ECT2L: variants seen among roughly 807,000 people sequenced by gnomAD.
ECT2L encodes the protein epithelial cell transforming 2 like.
A neutral mutation model predicts 122.8 loss-of-function variants in ECT2L; 126 were observed. The ratio of observed to expected loss-of-function variants is 1.03; its 90% CI spans 0.89 to 1.19. ECT2L has a LOEUF of 1.19. ECT2L is among the 50% of genes most tolerant of loss of function. The pLI, the probability that ECT2L is intolerant of heterozygous loss-of-function variation, is 0.00. For synonymous variants in ECT2L, 385 were observed against 381.8 expected (o/e 1.01, Z -0.10); for missense variants, 1,012 against 1,064.1 (o/e 0.95, Z 0.68).
At position 138,814,525 on chromosome 6, in the gene ECT2L, G is replaced by T; in HGVS notation, c.101G>T (p.Trp34Leu). The change falls in exon 4 of 22, where the codon TGG becomes TTG. Residue 34 changes from tryptophan (W) to leucine (L), a missense_variant. By Grantham distance (61) the Trp-to-Leu change is moderately conservative. Transcript: ENST00000541398. Reference sequence around the variant, plus strand: ...GAAAGAGTGGCTCTTATAAGTCATTGGTTTGACCTCTGGACTAACAAGCAA... The same window carrying T: ...GAAAGAGTGGCTCTTATAAGTCATTTGTTTGACCTCTGGACTAACAAGCAA... ...FQERVALISH[W>L]FDLWTNKQRQ... 1 of 1,611,596 alleles carries T rather than the reference G, an allele frequency of 6.2e-7. No individual in the cohort carries two copies. Among genetic ancestry groups the T allele is most frequent in the Non-Finnish European group, 8.5e-7 (1 of 1,178,464 alleles).
At chr6:138,824,653 A>C (rs1425778436) in intron 4 of ECT2L, among the ~76,000 whole-genome samples, 1 of 151,930 alleles carries the variant, frequency 6.6e-6, no homozygotes, top group African/African-American at 2.4e-5. Flanking sequence ...GGTTTCAGCA[A>C]AGGTTATGAG....
At chr6:138,890,708 A>T (rs985742612) in intron 20 of ECT2L, among the ~76,000 whole-genome samples, 2 of 151,986 alleles carry the variant, frequency 1.3e-5, no homozygotes, top group African/African-American at 4.8e-5. Flanking sequence ...GATTTTCTAT[A>T]TCATTTTTCT....
chr6:138,899,915 C>T (rs1182836293), intron 20 of ECT2L, among the ~76,000 whole-genome samples: 1 of 152,168 alleles, frequency 6.6e-6, no homozygotes, highest in Non-Finnish European at 1.5e-5. Context: ...GGACAAATAA[C>T]CCACACTAGA....
chr6:138,886,862 G>A lies in ECT2L; in HGVS notation c.2265G>A (p.Lys755=), dbSNP rs755404937. 32 of 1,612,944 alleles carry A rather than the reference G, an allele frequency of 2.0e-5. No individual in the cohort carries two copies. Among genetic ancestry groups the A allele is most frequent in the Non-Finnish European group, 2.6e-5 (31 of 1,179,548 alleles). Reference sequence around the variant, plus strand: ...AAGTACTTTTTTTCCCCTAGATGAAGCAAAACATCACTATGAAGGATCATC... The same window carrying A: ...AAGTACTTTTTTTCCCCTAGATGAAACAAAACATCACTATGAAGGATCATC... ...KKYKGYIDQM[K]QNITMKDHLS... The change falls in exon 19 of 22, where the codon AAG becomes AAA. Residue 755 remains lysine, a synonymous_variant. Coordinates refer to ENST00000541398, the MANE Select transcript of ECT2L (RefSeq NM_001077706.3).
Position 138,854,056 on chromosome 6 carries a change from G to A in ECT2L, c.1100G>A (p.Arg367Lys). 1 of 1,614,050 alleles carries A rather than the reference G, an allele frequency of 6.2e-7. No individual in the cohort carries two copies. The highest frequency in any genetic ancestry group is 8.5e-7 in the Non-Finnish European group (1 of 1,179,994). The change falls in exon 10 of 22, where the codon AGG becomes AAG. Residue 367 changes from arginine (R) to lysine (K), a missense_variant. Arg to Lys is a conservative substitution (Grantham distance 26). Coordinates refer to ENST00000541398, the MANE Select transcript of ECT2L (RefSeq NM_001077706.3). ...AAAATTGGTGTTAAAAATTTACTGAGGCCTGAAGTGAGAGATTTCTGGGAG... is the reference window on the plus strand; with the variant it reads ...AAAATTGGTGTTAAAAATTTACTGAAGCCTGAAGTGAGAGATTTCTGGGAG... ...GYKIGVKNLL[R>K]PEVRDFWEKL...
intron 21 of ECT2L, 83 bp from the exon 22 acceptor site, chr6:138,902,417 G>T (rs1779432408): frequency 3.0e-6 from 4 of 1,323,878 alleles, no homozygotes; most frequent in South Asian, 2.7e-5. Context: ...TCTTAAAGAT[G>T]ATGATTTTTG....
rs146609864 is a variant in ECT2L, at chr6:138,900,537, G to A, written c.2415-411G>A. On this transcript the variant is annotated intron_variant, in intron 20 of 21. Coordinates refer to ENST00000541398, the MANE Select transcript of ECT2L (RefSeq NM_001077706.3). ...TAGGATTACAGGCGTGAGCCACCGC[G>A]CCCAGCCTTGTTATCCTTAAAGGTG... Among the ~76,000 whole-genome samples the A allele has an allele frequency of 4.4e-3, 663 of 152,226 alleles. 4 individuals are homozygous for A. The highest frequency in any genetic ancestry group is 0.015 in the African/African-American group (640 of 41,532).
chr6:138,873,364 T>C (rs932807605), intron 13 of ECT2L, among the ~76,000 whole-genome samples: 1 of 152,174 alleles, frequency 6.6e-6, no homozygotes, highest in African/African-American at 2.4e-5. Flanking sequence ...CAGCTAAACG[T>C]CAGTGTTGCA....
chr6:138,860,388 A>G (rs1486558638), intron 10 of ECT2L, among the ~76,000 whole-genome samples: 1 of 151,618 alleles, frequency 6.6e-6, no homozygotes, highest in Non-Finnish European at 1.5e-5. Context: ...ACCATTCCTT[A>G]TAACTACTAT....
intron 14 of ECT2L, among the ~76,000 whole-genome samples, chr6:138,878,209 C>T (rs916081932): frequency 7.2e-5 from 11 of 151,736 alleles, no homozygotes; most frequent in South Asian, 2.1e-4. Context: ...TGTACGAAAA[C>T]GTTATAAAAT....
In ECT2L at chr6:138,844,646, A is replaced by G. The variant is rs572577429; in HGVS notation, c.764+66A>G. ...AATACCAATAATTCACTCTAGAATA[A>G]ATTTAGCTATCACGCAGAAATCTTG... is the stretch of plus-strand genomic sequence containing the variant. On this transcript the variant is annotated intron_variant, in intron 7 of 21. Coordinates refer to ENST00000541398, the MANE Select transcript of ECT2L (RefSeq NM_001077706.3). 100 of 1,450,818 alleles carry G rather than the reference A, an allele frequency of 6.9e-5. 1 individual carries two copies. Among genetic ancestry groups the G allele is most frequent in the Admixed American group, 4.0e-4 (21 of 52,460 alleles). 89.9% of individuals were successfully genotyped at this position (1,450,818 alleles called of 1,614,324 possible).
chr6:138,797,153 G>T (rs937060123), intron 1 of ECT2L, among the ~76,000 whole-genome samples: 1 of 152,102 alleles, frequency 6.6e-6, no homozygotes, highest in Non-Finnish European at 1.5e-5. Flanking sequence ...CCATTGCTTA[G>T]TGTGTACTTA....
At chr6:138,882,679 T>C in intron 15 of ECT2L, 45 bp from the exon 16 acceptor site, 1 of 1,604,604 alleles carries the variant, frequency 6.2e-7, no homozygotes, top group South Asian at 1.1e-5. Flanking sequence ...GTTTGTAAGT[T>C]ATCACAAGTG....
chr6:138,854,291 A>T, intron 10 of ECT2L, 137 bp downstream of exon 10: 1 of 1,065,162 alleles, frequency 9.4e-7, no homozygotes, highest in Non-Finnish European at 1.3e-6. Flanking sequence ...TGTACTTCAC[A>T]TATCCAGGTA....
Position 138,902,520 on chromosome 6 carries a change from C to A in ECT2L, c.2608C>A (p.Leu870Ile), listed in dbSNP as rs371724552. Residue 870 changes from leucine to isoleucine, a missense_variant, in exon 22 of 22, where the codon CTT becomes ATT. Leu to Ile is a conservative substitution (Grantham distance 5). Coordinates refer to ENST00000541398, the MANE Select transcript of ECT2L (RefSeq NM_001077706.3). ...TACAGATGTCAAGAATGCATTTATT[C>A]TTCAGGGTCCAAAATATAAATGGAT... is the stretch of plus-strand genomic sequence containing the variant. Reference protein sequence around the residue: ...DSKYVKNAFILQGPKYKWICA... With the variant: ...DSKYVKNAFIIQGPKYKWICA... 1.2e-6 allele frequency: 2 copies of A among 1,613,088 alleles called. No homozygotes were observed. The highest frequency in any genetic ancestry group is 2.7e-5 in the African/African-American group (2 of 74,978).
chr6:138,807,165 G>A (rs183965501), intron 1 of ECT2L, among the ~76,000 whole-genome samples: 1 of 151,532 alleles, frequency 6.6e-6, no homozygotes, highest in Non-Finnish European at 1.5e-5. Flanking sequence ...GTGGAGACAG[G>A]GTTTTGCCAT....
intron 20 of ECT2L, among the ~76,000 whole-genome samples, chr6:138,896,308 GGT>G (rs1779210772): frequency 6.6e-6 from 1 of 152,084 alleles, no homozygotes; most frequent in African/African-American, 2.4e-5. Flanking sequence ...GTGCAGGACT[GGT>G]GAATAGAGGC....
intron 9 of ECT2L, among the ~76,000 whole-genome samples, chr6:138,852,111 G>A (rs1172123584): frequency 6.6e-6 from 1 of 152,110 alleles, no homozygotes; most frequent in Admixed American, 6.5e-5. Context: ...CACCCCATCT[G>A]TACAAAAAAT....
intron 9 of ECT2L, among the ~76,000 whole-genome samples, chr6:138,851,028 A>G (rs1377606397): frequency 2.0e-5 from 3 of 150,140 alleles, no homozygotes; most frequent in Admixed American, 6.6e-5. Flanking sequence ...AAAAAAGAGA[A>G]AGAGAGAAAG....
Sources: allele counts gnomAD v4.1 joint callset (sites outside exome capture counted in the v4.1 genomes callset), GRCh38; gene constraint gnomAD v4.1.1; transcripts MANE v1.5; gene names NCBI Gene and HGNC (gene_info 2026-07-23, HGNC 2026-07-21).